Variants in NRCAM observed in about 807,000 individuals in gnomAD.
NRCAM encodes NgCAM-related cell adhesion molecule.
A neutral mutation model predicts 156.5 loss-of-function variants in NRCAM; 83 were observed. That is an observed-to-expected ratio of 0.53 (90% CI 0.44 to 0.64). NRCAM has a LOEUF of 0.64. Among genes scored for constraint, NRCAM ranks in the 30% least tolerant of loss-of-function variants. NRCAM has a pLI of 0.00. For synonymous variants in NRCAM, 538 were observed against 563.9 expected (o/e 0.95, Z 0.65); for missense variants, 1,417 against 1,597.3 (o/e 0.89, Z 1.92).
chr7:108,393,660 G>A (rs1018455304), intron 2 of NRCAM, among the ~76,000 whole-genome samples: 10 of 152,108 alleles, frequency 6.6e-5, no homozygotes, highest in East Asian at 3.9e-4. Flanking sequence ...GAAATCAACC[G>A]TCTTCTGTGT....
chr7:108,160,231 GA>G, intron 31 of NRCAM, 129 bp downstream of exon 31: 2 of 829,136 alleles, frequency 2.4e-6, no homozygotes, highest in Non-Finnish European at 3.8e-6. Flanking sequence ...AAAGTCATTT[GA>G]AGAGAAAGTC....
At chr7:108,308,440 T>C (rs1454653661) in intron 3 of NRCAM, among the ~76,000 whole-genome samples, 2 of 152,236 alleles carry the variant, frequency 1.3e-5, no homozygotes, top group African/African-American at 2.4e-5. Flanking sequence ...CTTTGGTGTA[T>C]AAATGCTAAG....
intron 2 of NRCAM, among the ~76,000 whole-genome samples, chr7:108,327,415 C>T (rs1338108177): frequency 1.3e-5 from 2 of 152,036 alleles, no homozygotes; most frequent in African/African-American, 4.8e-5. Context: ...AAAATCTGAA[C>T]AGAAATAGAA....
chr7:108,359,766 T>C (rs1315562607), intron 2 of NRCAM, among the ~76,000 whole-genome samples: 1 of 152,202 alleles, frequency 6.6e-6, no homozygotes, highest in Non-Finnish European at 1.5e-5. Context: ...AGTGTCCAGT[T>C]TGATGAGCTG....
intron 2 of NRCAM, among the ~76,000 whole-genome samples, chr7:108,341,776 C>T (rs528737432): frequency 4.6e-5 from 7 of 152,262 alleles, no homozygotes; most frequent in South Asian, 2.1e-4. Context: ...AAGCCCAAGG[C>T]TTAGTAAAAC....
intron 8 of NRCAM, among the ~76,000 whole-genome samples, chr7:108,227,505 A>G (rs1285649301): frequency 6.6e-6 from 1 of 152,198 alleles, no homozygotes; most frequent in African/African-American, 2.4e-5. Flanking sequence ...GAAATATGCA[A>G]TGCATTACTG....
At chr7:108,371,990 A>T (rs1318076421) in intron 2 of NRCAM, among the ~76,000 whole-genome samples, 1 of 152,178 alleles carries the variant, frequency 6.6e-6, no homozygotes, top group East Asian at 1.9e-4. Context: ...ACAGTAATCA[A>T]GACAGCATGG....
At chr7:108,249,402 C>G (rs893334750) in intron 3 of NRCAM, among the ~76,000 whole-genome samples, 1 of 152,160 alleles carries the variant, frequency 6.6e-6, no homozygotes, top group East Asian at 1.9e-4. Context: ...TGCTGACATG[C>G]ATGTTGTATT....
intron 29 of NRCAM, among the ~76,000 whole-genome samples, chr7:108,167,601 TA>T (rs1430643633): frequency 6.6e-6 from 1 of 152,228 alleles, no homozygotes; most frequent in Non-Finnish European, 1.5e-5. Context: ...GATAAAGGCT[TA>T]AACAGAAAGT....
At position 108,210,257 on chromosome 7, in the gene NRCAM, T is replaced by TTTG. The variant is rs1239649266; in HGVS notation, c.891-653_891-652insCAA. On this transcript the variant is annotated intron_variant, in intron 11 of 32. Coordinates refer to ENST00000379028, the MANE Select transcript of NRCAM (RefSeq NM_001037132.4). The stretch of plus-strand genomic sequence containing the variant: ...TGTCACCCAATGTTTTGTTTTGTTT[T>TTTG]TTTTTTTGAGATGGAGTCTTGCTCT... Among the ~76,000 whole-genome samples, 485 of 152,038 alleles carry TTTG rather than the reference T, an allele frequency of 3.2e-3. 2 individuals carry two copies. Among genetic ancestry groups the TTTG allele is most frequent in the Non-Finnish European group, 5.7e-3 (384 of 67,962 alleles).
At chr7:108,235,137 G>A (rs999422382) in intron 5 of NRCAM, among the ~76,000 whole-genome samples, 4 of 152,090 alleles carry the variant, frequency 2.6e-5, no homozygotes, top group Admixed American at 2.6e-4. Context: ...ATATATGTTG[G>A]GGACAAATAC....
chr7:108,408,665 T>C (rs1244901599), intron 1 of NRCAM, among the ~76,000 whole-genome samples: 1 of 152,248 alleles, frequency 6.6e-6, no homozygotes, highest in Non-Finnish European at 1.5e-5. Context: ...AGCTCACATA[T>C]GTCTTTACTC....
At chr7:108,219,399 A>T (rs1449700015) in intron 11 of NRCAM, among the ~76,000 whole-genome samples, 1 of 152,132 alleles carries the variant, frequency 6.6e-6, no homozygotes, top group Non-Finnish European at 1.5e-5. Context: ...CATAACCAAA[A>T]AAAGAAACTA....
At chr7:108,376,053 T>G (rs1226947698) in intron 2 of NRCAM, among the ~76,000 whole-genome samples, 6 of 152,294 alleles carry the variant, frequency 3.9e-5, no homozygotes, top group Non-Finnish European at 8.8e-5. Flanking sequence ...TGTTGGTGTT[T>G]GGTTGTTTAA....
chr7:108,178,156 T>C, intron 25 of NRCAM, 44 bp from the exon 26 acceptor site: 1 of 1,592,936 alleles, frequency 6.3e-7, no homozygotes, highest in Non-Finnish European at 8.6e-7. Context: ...TTCTGAATGT[T>C]TCAACATGTA....
At chr7:108,240,661 C>T (rs568985489) in intron 3 of NRCAM, among the ~76,000 whole-genome samples, 1 of 152,318 alleles carries the variant, frequency 6.6e-6, no homozygotes, top group African/African-American at 2.4e-5. Flanking sequence ...CATCTCCCAC[C>T]TAGATTATAG....
chr7:108,168,255 G>A (rs772860173), intron 29 of NRCAM, 22 bp downstream of exon 29: 28 of 1,473,074 alleles, frequency 1.9e-5, no homozygotes, highest in East Asian at 7.6e-5. Context: ...ATTAAAAATC[G>A]GGTAATGAAA....
At chr7:108,439,023 T>A (rs1228744660) in intron 1 of NRCAM, among the ~76,000 whole-genome samples, 1 of 152,124 alleles carries the variant, frequency 6.6e-6, no homozygotes, top group Non-Finnish European at 1.5e-5. Context: ...GATTTGATAT[T>A]AAGGTAGCAA....
At chr7:108,279,243 A>G (rs1438750554) in intron 3 of NRCAM, among the ~76,000 whole-genome samples, 1 of 152,226 alleles carries the variant, frequency 6.6e-6, no homozygotes, top group Non-Finnish European at 1.5e-5. Context: ...CCTTGAGATT[A>G]ATAATAGTTT....
Sources: allele counts gnomAD v4.1 joint callset (sites outside exome capture counted in the v4.1 genomes callset), GRCh38; gene constraint gnomAD v4.1.1; transcripts MANE v1.5; gene names NCBI Gene and HGNC (gene_info 2026-07-23, HGNC 2026-07-21).